The following RBFOX1 variants were observed in gnomAD, a reference collection of about 807,000 sequenced individuals.
RBFOX1 encodes RNA binding fox-1 homolog 1.
RBFOX1 carries 8 observed loss-of-function variants against 57.7 expected under a neutral mutation model. The ratio of observed to expected loss-of-function variants is 0.14; its 90% CI spans 0.08 to 0.25. RBFOX1 has a LOEUF of 0.25. Ranked by LOEUF, RBFOX1 falls within the 10% of genes least tolerant of loss-of-function variation. RBFOX1 has a pLI of 1.00. For synonymous variants in RBFOX1, 326 were observed against 222.4 expected (o/e 1.47, Z -4.15); for missense variants, 611 against 548.5 (o/e 1.11, Z -1.14).
chr16:6,865,266 G>T (rs781057267), intron 3 of RBFOX1, among the ~76,000 whole-genome samples: 10 of 151,970 alleles, frequency 6.6e-5, no homozygotes, highest in Non-Finnish European at 1.5e-4. Flanking sequence ...GCCTCCCACA[G>T]TACTGGGATT....
At chr16:6,039,252 C>T (rs1192757174) in intron 1 of RBFOX1, among the ~76,000 whole-genome samples, 1 of 150,896 alleles carries the variant, frequency 6.6e-6, no homozygotes, top group African/African-American at 2.4e-5. Flanking sequence ...AATGTCATGG[C>T]CTCTGTCTGG....
chr16:6,389,727 C>G (rs1475807302), intron 2 of RBFOX1, among the ~76,000 whole-genome samples: 4 of 152,186 alleles, frequency 2.6e-5, no homozygotes, highest in Non-Finnish European at 1.5e-5. Flanking sequence ...TCAGCTCAGG[C>G]TGTAGCCACC....
intron 1 of RBFOX1, among the ~76,000 whole-genome samples, chr16:6,184,303 T>C (rs573285249): frequency 8.5e-5 from 13 of 152,228 alleles, no homozygotes; most frequent in Admixed American, 5.2e-4. Context: ...CATGACATCA[T>C]GCCCATTTAA....
rs1047840399 is a variant in RBFOX1 at position 7,064,203 on chromosome 16, A to G, written c.27+12105A>G. On this transcript the variant is annotated intron_variant, in intron 4 of 15. Transcript: ENST00000550418. ...TTTTTTTCTGAGGTGGAGTCTCACT[A>G]TGTGGCCTAGGCTGGAGTGCAGTGG... 2.2e-4 allele frequency among the ~76,000 whole-genome samples: 26 copies of G among 117,256 alleles called. 1 individual carries two copies. In the Admixed American group the frequency reaches 2.8e-3, roughly 12 times the overall value. 76.9% of individuals were successfully genotyped at this position (117,256 alleles called of 152,430 possible).
intron 11 of RBFOX1, among the ~76,000 whole-genome samples, chr16:7,651,416 C>G (rs1014442777): frequency 3.9e-5 from 6 of 152,174 alleles, no homozygotes; most frequent in Admixed American, 3.3e-4. Flanking sequence ...TCTAAGTGCA[C>G]TACATGGTCA....
At chr16:7,031,343 C>G (rs2042735722) in intron 3 of RBFOX1, among the ~76,000 whole-genome samples, 1 of 152,110 alleles carries the variant, frequency 6.6e-6, no homozygotes, top group Admixed American at 6.5e-5. Flanking sequence ...TACCTGTAAT[C>G]TCAGCACTTT....
At chr16:6,851,075 A>T (rs191805581) in intron 3 of RBFOX1, among the ~76,000 whole-genome samples, 1 of 152,322 alleles carries the variant, frequency 6.6e-6, no homozygotes, top group African/African-American at 2.4e-5. Context: ...GACACACAAC[A>T]ACTAGGATGA....
intron 3 of RBFOX1, among the ~76,000 whole-genome samples, chr16:6,919,027 C>T (rs1055331120): frequency 2.6e-5 from 4 of 152,152 alleles, no homozygotes; most frequent in African/African-American, 4.8e-5. Context: ...TTCATCCAGG[C>T]TGGAGTGCAC....
At chr16:5,750,070 G>T (rs1172935801) in intron 3 of RBFOX1, among the ~76,000 whole-genome samples, 4 of 152,158 alleles carry the variant, frequency 2.6e-5, no homozygotes, top group Non-Finnish European at 5.9e-5. Context: ...CTGTTTGTTA[G>T]TTTTCCTTCT....
chr16:6,860,787 T>C (rs980684040), intron 3 of RBFOX1, among the ~76,000 whole-genome samples: 7 of 152,152 alleles, frequency 4.6e-5, no homozygotes, highest in Non-Finnish European at 1.0e-4. Flanking sequence ...AAAAAGTAAT[T>C]TGCAGCAGGA....
intron 4 of RBFOX1, among the ~76,000 whole-genome samples, chr16:7,169,732 A>T (rs1376257704): frequency 6.6e-6 from 1 of 152,180 alleles, no homozygotes; most frequent in Non-Finnish European, 1.5e-5. Flanking sequence ...ACAGAGCATT[A>T]ATTCATCTGC....
intron 3 of RBFOX1, among the ~76,000 whole-genome samples, chr16:6,791,447 G>A (rs61456909): frequency 3.9e-5 from 6 of 152,038 alleles, no homozygotes; most frequent in Non-Finnish European, 7.4e-5. Context: ...AAATTGTAAA[G>A]AACTTCAAGA....
At chr16:7,504,060 T>G (rs910024910) in intron 4 of RBFOX1, among the ~76,000 whole-genome samples, 3 of 152,320 alleles carry the variant, frequency 2.0e-5, no homozygotes, top group Admixed American at 2.0e-4. Flanking sequence ...TCTCTATGAT[T>G]ATTTGAAAAT....
chr16:7,428,859 AG>A (rs561956246), intron 4 of RBFOX1, among the ~76,000 whole-genome samples: 1 of 152,258 alleles, frequency 6.6e-6, no homozygotes, highest in South Asian at 2.1e-4. Context: ...TAATGATAAC[AG>A]TAGTAGAAGT....
intron 4 of RBFOX1, among the ~76,000 whole-genome samples, chr16:7,503,773 C>G (rs998484691): frequency 6.6e-6 from 1 of 152,114 alleles, no homozygotes; most frequent in Non-Finnish European, 1.5e-5. Context: ...TTCACTTTTG[C>G]CAATGTTTAT....
At chr16:7,620,470 T>C (rs1426003787) in intron 10 of RBFOX1, among the ~76,000 whole-genome samples, 1 of 152,206 alleles carries the variant, frequency 6.6e-6, no homozygotes, top group East Asian at 1.9e-4. Context: ...GCCTCCTCTA[T>C]GTCTTATTTC....
At chr16:6,932,770 C>G (rs1327590787) in intron 3 of RBFOX1, among the ~76,000 whole-genome samples, 1 of 152,138 alleles carries the variant, frequency 6.6e-6, no homozygotes, top group African/African-American at 2.4e-5. Context: ...ACCATTTTAA[C>G]TTTTTATTGC....
rs547696463 is a variant in RBFOX1 at position 5,606,614 on chromosome 16, G to A, written c.318+7653G>A. Among the ~76,000 whole-genome samples, 11 of 152,240 alleles carry A rather than the reference G, an allele frequency of 7.2e-5. No individual in the cohort carries two copies. The South Asian group carries it at 1.0e-3, about 14-fold the overall frequency. On this transcript the variant is annotated intron_variant, in intron 3 of 19. Coordinates refer to the RBFOX1 transcript ENST00000641259. ...AAGACTCAAACCGTGCCCTCAAAGC[G>A]CTTGCAGTCTGTGAGGAGGACACAG...
At chr16:7,131,756 G>A (rs1443740464) in intron 4 of RBFOX1, among the ~76,000 whole-genome samples, 2 of 152,022 alleles carry the variant, frequency 1.3e-5, no homozygotes, top group Non-Finnish European at 1.5e-5. Flanking sequence ...GGCCACTCAG[G>A]TTCTCTGAAG....
Sources: allele counts gnomAD v4.1 joint callset (sites outside exome capture counted in the v4.1 genomes callset), GRCh38; gene constraint gnomAD v4.1.1; transcripts MANE v1.5; gene names NCBI Gene and HGNC (gene_info 2026-07-23, HGNC 2026-07-21).